The following TEX2 variants were observed in gnomAD, a reference collection of about 807,000 sequenced individuals.
TEX2 encodes testis expressed 2.
Under a neutral mutation model 106.9 loss-of-function variants are expected in TEX2, and 53 were observed. That is an observed-to-expected ratio of 0.50 (90% CI 0.40 to 0.62). The LOEUF is 0.62. Ranked by LOEUF, TEX2 falls within the 20% of genes least tolerant of loss-of-function variation. TEX2 has a pLI of 0.00. For missense variants in TEX2, 1,207 were observed against 1,379.0 expected (o/e 0.88, Z 1.98); for synonymous variants, 523 against 534.8 (o/e 0.98, Z 0.30).
chr17:64,219,508 CAAATAAAATA>C (rs3071506), intron 1 of TEX2, among the ~76,000 whole-genome samples: 4,055 of 134,940 alleles, frequency 0.03, 212 homozygotes, highest in African/African-American at 0.099. Context: ...TCCATCTCAT[CAAATAAAATA>C]AAATAAAATA....
intron 1 of TEX2, among the ~76,000 whole-genome samples, chr17:64,238,935 T>C (rs371719984): frequency 2.0e-5 from 3 of 152,188 alleles, no homozygotes; most frequent in African/African-American, 4.8e-5. Flanking sequence ...ACTAAAAGGT[T>C]TGAGATAACT....
chr17:64,228,289 C>T (rs1292234068), intron 1 of TEX2, among the ~76,000 whole-genome samples: 1 of 152,118 alleles, frequency 6.6e-6, no homozygotes, highest in African/African-American at 2.4e-5. Flanking sequence ...CCAGAGGCAG[C>T]GGGGTATGGT....
At position 64,196,268 on chromosome 17, in the gene TEX2, A is replaced by G. The variant is rs186356678; in HGVS notation, c.1645-1173T>C. 4.1e-4 allele frequency among the ~76,000 whole-genome samples: 62 copies of G among 152,346 alleles called. 1 individual carries two copies. The highest frequency in any genetic ancestry group is 1.4e-3 in the African/African-American group (60 of 41,574). ...GATTCTTGATCCAAAGGTGCCTCCAAAAGAGTAGAGAATTAGGTCTTCATT... is the reference window on the plus strand; with the variant it reads ...GATTCTTGATCCAAAGGTGCCTCCAGAAGAGTAGAGAATTAGGTCTTCATT... On this transcript the variant is annotated intron_variant, in intron 2 of 11. Coordinates refer to ENST00000584379, the MANE Select transcript of TEX2 (RefSeq NM_001288732.2).
chr17:64,191,250 T>C (rs1022861184), intron 4 of TEX2, among the ~76,000 whole-genome samples: 8 of 152,212 alleles, frequency 5.3e-5, no homozygotes, highest in African/African-American at 1.9e-4. Flanking sequence ...GTTTGTTGTG[T>C]GCTGAGTGGA....
At chr17:64,262,670 C>T (rs532531912) in intron 1 of TEX2, among the ~76,000 whole-genome samples, 1 of 152,328 alleles carries the variant, frequency 6.6e-6, no homozygotes, top group African/African-American at 2.4e-5. Context: ...CACAAACCAC[C>T]CCACCGCCAC....
Position 64,212,817 on chromosome 17 carries a change from C to T in TEX2, c.1401G>A (p.Gln467=). 1 of 1,614,090 alleles carries T rather than the reference C, an allele frequency of 6.2e-7. No homozygotes were observed. Among genetic ancestry groups the T allele is most frequent in the Non-Finnish European group, 8.5e-7 (1 of 1,180,036 alleles). ...ACGTCTTCACTGGCAATTCCGGGTGCTGCACGGCCGAGTCCACCTCGTCCT... is the reference window on the plus strand; with the variant it reads ...ACGTCTTCACTGGCAATTCCGGGTGTTGCACGGCCGAGTCCACCTCGTCCT... The part of the protein sequence containing the change: ...DSEDEVDSAV[Q]HPELPVKTLG... The change falls in exon 2 of 12, where the codon CAG becomes CAA. Residue 467 remains glutamine (Q), a synonymous_variant. Transcript: ENST00000584379.
In TEX2 at chr17:64,213,963, G is replaced by A. The variant is rs782655334; in HGVS notation, c.255C>T (p.Pro85=). The change falls in exon 2 of 12, where the codon CCC becomes CCT. Residue 85 remains proline (P), a synonymous_variant. Transcript: ENST00000584379. This position sits in a 1 kb window ranked among gnomAD's most constrained non-coding sequence, Gnocchi z 4.4. The stretch of plus-strand genomic sequence containing the variant: ...GGACAGGCGAGGCAGCAGGGCCGGC[G>A]GGGTCATGGCCAACTTGGGGTTCAA... The part of the protein sequence containing the change: ...LYLEPQVGHD[P]AGPAASPVLA... 7 of 1,614,066 alleles carry A rather than the reference G, an allele frequency of 4.3e-6. No individual in the cohort carries two copies. The highest frequency in any genetic ancestry group is 2.7e-5 in the African/African-American group (2 of 74,926).
chr17:64,188,438 T>C (rs1377856006), intron 4 of TEX2, 23 bp from the exon 5 acceptor site: 2 of 1,611,972 alleles, frequency 1.2e-6, no homozygotes, highest in Non-Finnish European at 1.7e-6. Flanking sequence ...AGACGGGGGC[T>C]ATTCACACAA....
intron 4 of TEX2, among the ~76,000 whole-genome samples, chr17:64,193,031 T>G: frequency 6.6e-6 from 1 of 152,042 alleles, no homozygotes; most frequent in South Asian, 2.1e-4. Flanking sequence ...GGGGAGCTAC[T>G]GCTTTTTACT....
intron 3 of TEX2, 79 bp from the exon 4 acceptor site, chr17:64,193,968 G>A (rs544917844): frequency 3.9e-6 from 4 of 1,023,088 alleles, no homozygotes; most frequent in African/African-American, 1.6e-5. Context: ...AGCACAAAGT[G>A]CAAACCTTAT....
chr17:64,197,784 G>A (rs1238662117), intron 2 of TEX2, among the ~76,000 whole-genome samples: 1 of 152,038 alleles, frequency 6.6e-6, no homozygotes, highest in Non-Finnish European at 1.5e-5. Context: ...AGCTGGTCTT[G>A]AACTCTTGGT....
At chr17:64,177,501 T>C (rs1418804002) in intron 5 of TEX2, 30 bp from the exon 6 acceptor site, 1 of 1,607,410 alleles carries the variant, frequency 6.2e-7, no homozygotes, top group South Asian at 1.1e-5. Context: ...CAAAATTAGC[T>C]AGAAAGCAAC....
chr17:64,187,711 C>G (rs2032128857), intron 5 of TEX2, among the ~76,000 whole-genome samples: 1 of 152,096 alleles, frequency 6.6e-6, no homozygotes, highest in South Asian at 2.1e-4. Context: ...ATATTCCAAG[C>G]ACATGCCTAC....
intron 4 of TEX2, among the ~76,000 whole-genome samples, chr17:64,191,817 C>A (rs2032304956): frequency 1.2e-4 from 14 of 119,906 alleles, no homozygotes; most frequent in South Asian, 7.9e-4. Flanking sequence ...GACTCCATCT[C>A]AAAAAAAAAA....
At chr17:64,152,794 G>A in intron 10 of TEX2, 151 bp downstream of exon 10, 1 of 661,116 alleles carries the variant, frequency 1.5e-6, no homozygotes, top group Non-Finnish European at 2.6e-6. Flanking sequence ...CATCAGATTT[G>A]CAACTAATAT....
rs1320603965 is a variant in TEX2, at chr17:64,205,729, T to C, written c.1644+6845A>G. Among the ~76,000 whole-genome samples the C allele has an allele frequency of 3.3e-5, 5 of 152,188 alleles. No homozygotes were observed. The highest frequency in any genetic ancestry group is 1.2e-4 in the African/African-American group (5 of 41,436). On this transcript the variant is annotated intron_variant, in intron 2 of 11. Transcript: ENST00000584379. This position sits in a 1 kb window ranked among gnomAD's most constrained non-coding sequence, Gnocchi z 4.0. ...AACCTATTTTTAAAACCTATCCCTCTTATTAAATATCTACATGTGACACAA... is the reference window on the plus strand; with the variant it reads ...AACCTATTTTTAAAACCTATCCCTCCTATTAAATATCTACATGTGACACAA...
Position 64,213,309 on chromosome 17 carries a change from C to T in TEX2, c.909G>A (p.Gln303=). 6.2e-7 allele frequency: 1 copy of T among 1,614,080 alleles called. No homozygotes were observed. The highest frequency in any genetic ancestry group is 1.3e-5 in the African/African-American group (1 of 75,046). Residue 303 remains glutamine, a synonymous_variant, in exon 2 of 12, where the codon CAG becomes CAA. Coordinates refer to ENST00000584379, the MANE Select transcript of TEX2 (RefSeq NM_001288732.2). The surrounding 1 kb of genome is among the most constrained non-coding windows in gnomAD (Gnocchi z 4.4). ...CTTCCCCTATAATTTTACTAAGGAG[C>T]TGAAAAGGCTCATAGATGACTTCTG... is the stretch of plus-strand genomic sequence containing the variant. ...RLSEVIYEPF[Q]LLSKIIGEES...
At chr17:64,253,793 C>G (rs2034136596) in intron 1 of TEX2, among the ~76,000 whole-genome samples, 1 of 152,226 alleles carries the variant, frequency 6.6e-6, no homozygotes, top group Non-Finnish European at 1.5e-5. Flanking sequence ...CTCACTGGCA[C>G]TGCACTTCCC....
rs138625219 is a variant in TEX2, at chr17:64,195,741, A to T, written c.1645-646T>A. Among the ~76,000 whole-genome samples the T allele has an allele frequency of 9.8e-4, 150 of 152,374 alleles. No homozygotes were observed. Among genetic ancestry groups the T allele is most frequent in the African/African-American group, 3.3e-3 (138 of 41,602 alleles). On this transcript the variant is annotated intron_variant, in intron 2 of 11. Coordinates refer to ENST00000584379, the MANE Select transcript of TEX2 (RefSeq NM_001288732.2). The surrounding 1 kb of genome is among the most constrained non-coding windows in gnomAD (Gnocchi z 4.1). ...AGGTCCCCCTGCCAAATTGGACATA[A>T]ATGATTTTGTGTTACATATCTTGAT...
Sources: gnomAD v4.1 joint callset for allele counts (sites outside exome capture counted in the v4.1 genomes callset) on GRCh38, gnomAD v4.1.1 for gene constraint, Gnocchi (gnomAD v3.1) non-coding constraint, MANE v1.5 for transcripts, NCBI Gene and HGNC (gene_info 2026-07-23, HGNC 2026-07-21) for gene names.